The following KCNJ3 variants were observed in gnomAD, a reference collection of about 807,000 sequenced individuals.
The protein encoded by KCNJ3 is potassium inwardly rectifying channel subfamily J member 3.
KCNJ3 carries 4 observed loss-of-function variants against 39.2 expected under a neutral mutation model. The observed-to-expected ratio is 0.10, with a 90% CI of 0.05 to 0.23. The LOEUF is 0.23. Among genes scored for constraint, KCNJ3 ranks in the 10% least tolerant of loss-of-function variants. KCNJ3 has a pLI of 1.00. For missense variants in KCNJ3, 276 were observed against 634.9 expected (o/e 0.43, Z 6.08); for synonymous variants, 230 against 237.4 (o/e 0.97, Z 0.29).
intron 2 of KCNJ3, among the ~76,000 whole-genome samples, chr2:154,749,957 G>A (rs1053844578): frequency 3.3e-5 from 5 of 151,744 alleles, no homozygotes; most frequent in African/African-American, 1.2e-4. Flanking sequence ...CATAACCACC[G>A]AAATAAATGC....
At chr2:154,713,563 T>C (rs1277550014) in intron 2 of KCNJ3, among the ~76,000 whole-genome samples, 1 of 152,200 alleles carries the variant, frequency 6.6e-6, no homozygotes, top group Non-Finnish European at 1.5e-5. Context: ...TCAAATGTTA[T>C]TTTCCCCACT....
chr2:154,845,245 A>G (rs1259422819), intron 2 of KCNJ3, among the ~76,000 whole-genome samples: 2 of 152,150 alleles, frequency 1.3e-5, no homozygotes, highest in Non-Finnish European at 2.9e-5. Flanking sequence ...CAGCCTCCCA[A>G]GTAGCTGGGA....
At chr2:154,790,883 A>AC (rs1686617128) in intron 2 of KCNJ3, among the ~76,000 whole-genome samples, 1 of 152,140 alleles carries the variant, frequency 6.6e-6, no homozygotes, top group South Asian at 2.1e-4. Context: ...TAGTGGAGAG[A>AC]CCCCCAGAAA....
At chr2:154,701,987 A>G (rs1433753224) in intron 1 of KCNJ3, among the ~76,000 whole-genome samples, 2 of 152,016 alleles carry the variant, frequency 1.3e-5, no homozygotes, top group Admixed American at 6.5e-5. Context: ...GGGAAATAAT[A>G]ACATTCAGCA....
intron 2 of KCNJ3, among the ~76,000 whole-genome samples, chr2:154,791,570 A>C (rs1686635423): frequency 1.3e-5 from 2 of 152,064 alleles, no homozygotes; most frequent in Non-Finnish European, 2.9e-5. Flanking sequence ...GGATAGGTGC[A>C]AGAATTGGGT....
At chr2:154,777,749 G>A (rs1005236856) in intron 2 of KCNJ3, among the ~76,000 whole-genome samples, 3 of 152,076 alleles carry the variant, frequency 2.0e-5, no homozygotes, top group African/African-American at 7.2e-5. Context: ...GGCTTAAAAT[G>A]TTTTTCGCAT....
At chr2:154,850,221 A>G (rs1687736330) in intron 2 of KCNJ3, among the ~76,000 whole-genome samples, 1 of 151,856 alleles carries the variant, frequency 6.6e-6, no homozygotes, top group Non-Finnish European at 1.5e-5. Context: ...GTGCAATCTC[A>G]TAGTACCCTT....
chr2:154,778,346 G>A (rs1437973728), intron 2 of KCNJ3, among the ~76,000 whole-genome samples: 1 of 152,126 alleles, frequency 6.6e-6, no homozygotes, highest in Non-Finnish European at 1.5e-5. Flanking sequence ...CAAGATTACT[G>A]TAGTGAATTG....
rs1217385604 is a variant in KCNJ3, at chr2:154,850,492, ATATCT to A, written c.920-4227_920-4223del. Among the ~76,000 whole-genome samples the A allele has an allele frequency of 9.9e-5, 15 of 152,272 alleles. No individual in the cohort carries two copies. In the East Asian group the frequency reaches 1.5e-3, roughly 16 times the overall value. ...TGCAAAAAGAAGTACTCTCTCAATT[ATATCT>A]TATCTTAGTTCATTGTCTAAGATGC... On this transcript the variant is annotated intron_variant, in intron 2 of 2. Transcript: ENST00000295101.
At chr2:154,709,447 C>T in intron 1 of KCNJ3, 156 bp from the exon 2 acceptor site, 1 of 711,718 alleles carries the variant, frequency 1.4e-6, no homozygotes, top group South Asian at 1.9e-5. Context: ...GATTTCGGCC[C>T]ATTTGCTAGA....
chr2:154,702,542 T>A (rs1684922271), intron 1 of KCNJ3, among the ~76,000 whole-genome samples: 2 of 152,000 alleles, frequency 1.3e-5, no homozygotes, highest in South Asian at 4.1e-4. Context: ...TAAAACTTAT[T>A]TGCCTAATTT....
intron 2 of KCNJ3, among the ~76,000 whole-genome samples, chr2:154,781,301 A>G (rs1258216230): frequency 6.6e-6 from 1 of 152,222 alleles, no homozygotes; most frequent in Non-Finnish European, 1.5e-5. Flanking sequence ...GTAATTTGTT[A>G]TAGTCACAAC....
rs1397490781 is a variant in KCNJ3, at chr2:154,812,702, A to G, written c.920-42025A>G. On this transcript the variant is annotated intron_variant, in intron 2 of 2. Coordinates refer to ENST00000295101, the MANE Select transcript of KCNJ3 (RefSeq NM_002239.4). The stretch of plus-strand genomic sequence containing the variant: ...TCTGTTTTTTCATTCATACAGGTGC[A>G]GTATAATATTGGGAGTTGATATAGG... 2.0e-5 allele frequency among the ~76,000 whole-genome samples: 3 copies of G among 152,254 alleles called. No individual in the cohort carries two copies. In the East Asian group the frequency reaches 5.8e-4, roughly 29 times the overall value.
rs373062062 is a variant in KCNJ3, at chr2:154,850,008, C to CTTTTTTTTTTT, written c.920-4693_920-4683dup. On this transcript the variant is annotated intron_variant, in intron 2 of 2. Coordinates refer to ENST00000295101, the MANE Select transcript of KCNJ3 (RefSeq NM_002239.4). ...TTGCAATGCAATGTACAGAATAAAT[C>CTTTTTTTTTTT]TTTTTTTTTTTTTTTTTTTTTTTTT... 3.2e-3 allele frequency among the ~76,000 whole-genome samples: 156 copies of CTTTTTTTTTTT among 48,840 alleles called. 9 individuals carry two copies. Among genetic ancestry groups the CTTTTTTTTTTT allele is most frequent in the Non-Finnish European group, 4.1e-3 (115 of 27,938 alleles). 32.0% of individuals were successfully genotyped at this position (48,840 alleles called of 152,430 possible).
intron 2 of KCNJ3, among the ~76,000 whole-genome samples, chr2:154,748,226 A>G (rs1343467305): frequency 2.0e-5 from 3 of 152,068 alleles, no homozygotes; most frequent in Non-Finnish European, 4.4e-5. Flanking sequence ...AACTGACTAA[A>G]TAACACTCTT....
intron 2 of KCNJ3, among the ~76,000 whole-genome samples, chr2:154,739,299 T>C (rs1254011392): frequency 6.6e-6 from 1 of 152,066 alleles, no homozygotes; most frequent in African/African-American, 2.4e-5. Flanking sequence ...TTCAACTGTG[T>C]CAAAAATTTC....
At chr2:154,744,003 A>G (rs1282372073) in intron 2 of KCNJ3, among the ~76,000 whole-genome samples, 3 of 151,536 alleles carry the variant, frequency 2.0e-5, no homozygotes. Context: ...AGTTGAGAAA[A>G]TGCCTGAGTA....
intron 2 of KCNJ3, among the ~76,000 whole-genome samples, chr2:154,735,069 C>CTGTGTGTGTGTGTGTGTGTG (rs10632638): frequency 0.012 from 1,806 of 145,842 alleles, 26 homozygotes; most frequent in East Asian, 0.045. Context: ...CCTTGTAGGC[C>CTGTGTGTGTGTGTGTGTGTG]TGTGTGTGTG....
intron 2 of KCNJ3, among the ~76,000 whole-genome samples, chr2:154,774,675 GA>G (rs35963180): frequency 6.6e-6 from 1 of 151,876 alleles, no homozygotes; most frequent in African/African-American, 2.4e-5. Context: ...GTAATACATG[GA>G]AAAAAACCTT....
Sources: allele counts gnomAD v4.1 joint callset (sites outside exome capture counted in the v4.1 genomes callset), GRCh38; gene constraint gnomAD v4.1.1; transcripts MANE v1.5; gene names NCBI Gene and HGNC (gene_info 2026-07-23, HGNC 2026-07-21).